MALT1: variants seen among roughly 807,000 people sequenced by gnomAD.
The protein encoded by MALT1 is MALT1 paracaspase.
A neutral mutation model predicts 85.5 loss-of-function variants in MALT1; 36 were observed. That is an observed-to-expected ratio of 0.42 (90% confidence interval 0.32 to 0.56). The LOEUF is 0.56. Among genes scored for constraint, MALT1 ranks in the 20% least tolerant of loss-of-function variants. The pLI is 0.10. For missense variants in MALT1, 716 were observed against 981.6 expected (o/e 0.73, Z 3.62); for synonymous variants, 359 against 361.3 (o/e 0.99, Z 0.07).
chr18:58,681,537 C>T (rs1381601013), intron 2 of MALT1, among the ~76,000 whole-genome samples: 1 of 152,126 alleles, frequency 6.6e-6, no homozygotes, highest in Non-Finnish European at 1.5e-5. Context: ...CTACATGAGA[C>T]ATTTTTGAGA....
chr18:58,688,405 T>G (rs763986861), intron 2 of MALT1, among the ~76,000 whole-genome samples: 8 of 151,684 alleles, frequency 5.3e-5, no homozygotes, highest in Non-Finnish European at 1.0e-4. Context: ...TACTTTGTCT[T>G]GGCCAGGCAC....
chr18:58,721,369 A>G (rs1475683499), intron 9 of MALT1, among the ~76,000 whole-genome samples: 1 of 152,198 alleles, frequency 6.6e-6, no homozygotes, highest in Non-Finnish European at 1.5e-5. Flanking sequence ...AACAAGAGCG[A>G]AACTCCGTCT....
chr18:58,710,540 T>G (rs1012172597), intron 6 of MALT1, among the ~76,000 whole-genome samples: 1 of 152,016 alleles, frequency 6.6e-6, no homozygotes, highest in East Asian at 1.9e-4. Context: ...AATAAATAAA[T>G]TAGCTAGGCA....
At chr18:58,712,689 CCACA>C (rs1356139139) in intron 7 of MALT1, among the ~76,000 whole-genome samples, 2 of 151,940 alleles carry the variant, frequency 1.3e-5, no homozygotes, top group Non-Finnish European at 2.9e-5. Context: ...GAAATGTTCC[CCACA>C]CAAAGAAATA....
At chr18:58,739,800 T>G (rs926667181) in intron 13 of MALT1, among the ~76,000 whole-genome samples, 1 of 90,306 alleles carries the variant, frequency 1.1e-5, no homozygotes, top group Admixed American at 1.1e-4. Flanking sequence ...TCCCTCTATG[T>G]ACACACATAC....
At chr18:58,700,634 ATATTT>A (rs745504777) in intron 4 of MALT1, 43 bp downstream of exon 4, 3 of 1,509,094 alleles carry the variant, frequency 2.0e-6, no homozygotes, top group Non-Finnish European at 1.8e-6. Context: ...GGGATTCCCC[ATATTT>A]TATTTTATTT....
At chr18:58,699,795 G>C (rs1223677045) in intron 3 of MALT1, among the ~76,000 whole-genome samples, 1 of 152,248 alleles carries the variant, frequency 6.6e-6, no homozygotes, top group East Asian at 1.9e-4. Context: ...ATTGCTGGGA[G>C]CAGAAAAAGC....
chr18:58,674,831 C>T (rs558947934), intron 1 of MALT1, among the ~76,000 whole-genome samples: 8 of 152,264 alleles, frequency 5.3e-5, no homozygotes, highest in Admixed American at 1.3e-4. Context: ...CCTAGAATCT[C>T]GAAATGTTGC....
At chr18:58,688,247 C>T (rs1169256898) in intron 2 of MALT1, among the ~76,000 whole-genome samples, 1 of 151,784 alleles carries the variant, frequency 6.6e-6, no homozygotes, top group East Asian at 1.9e-4. Flanking sequence ...TTCCAAATCA[C>T]ATTTTGCCTT....
At position 58,671,689 on chromosome 18, in the gene MALT1, GC is replaced by G. The variant is rs1159016094; in HGVS notation, c.51del (p.Thr18ArgfsTer55). The G allele has an allele frequency of 2.4e-6, 3 of 1,251,522 alleles. No homozygotes were observed. The highest frequency in any genetic ancestry group is 3.1e-5 in the South Asian group (1 of 31,994). The allele number at this position is 1,251,522 out of a possible 1,614,324, so 77.5% of individuals were successfully genotyped here. A position where few individuals can be genotyped will look rare whatever the true frequency, so the allele number is the denominator to read the frequency against. ...GCTACAGGCCCTGCCGCCCTCGGCC[GC>G]CCCCACGGGGCCGCTGCTCGCCCCT... The part of the protein sequence containing the change: ...DPLQALPPSA[A>X]PTGPLLAPPA... On this transcript the variant is annotated frameshift_variant, in exon 1 of 17. Transcript: ENST00000649217. LOFTEE classifies it high-confidence loss of function.
intron 15 of MALT1, among the ~76,000 whole-genome samples, chr18:58,744,837 A>G (rs1229697221): frequency 6.6e-6 from 1 of 152,190 alleles, no homozygotes; most frequent in African/African-American, 2.4e-5. Flanking sequence ...AGTAGTTTTT[A>G]AGTCTTGTTA....
intron 10 of MALT1, among the ~76,000 whole-genome samples, chr18:58,727,616 G>GTTTTTTGTT (rs2055077589): frequency 8.2e-6 from 1 of 121,264 alleles, no homozygotes; most frequent in African/African-American, 3.3e-5. Flanking sequence ...GGTTTTTTGT[G>GTTTTTTGTT]TTTTTTTTTT....
chr18:58,674,363 GA>G (rs1337236836), intron 1 of MALT1, among the ~76,000 whole-genome samples: 2 of 152,190 alleles, frequency 1.3e-5, no homozygotes, highest in Non-Finnish European at 2.9e-5. Context: ...TGCCTAACAA[GA>G]GGTGGCAAGC....
Position 58,747,554 on chromosome 18 carries a change from TTGTCTTA to T in MALT1, c.2193_2199del (p.Ser733ValfsTer71). The T allele has an allele frequency of 6.2e-7, 1 of 1,614,192 alleles. No homozygotes were observed. The highest frequency in any genetic ancestry group is 1.6e-4 in the Middle Eastern group (1 of 6,062). ...TGGGAAGGAAGACTTGCTTTCAAAC[TTGTCTTA>T]TGTCTAATGGTCCTTACCAGAGTTC... On this transcript the variant is annotated frameshift_variant, in exon 17 of 17. Coordinates refer to ENST00000649217, the MANE Select transcript of MALT1 (RefSeq NM_006785.4). LOFTEE classifies it low-confidence loss of function (END_TRUNC).
chr18:58,706,080 A>G (rs1464987947), intron 4 of MALT1, among the ~76,000 whole-genome samples: 3 of 150,970 alleles, frequency 2.0e-5, no homozygotes, highest in African/African-American at 7.3e-5. Flanking sequence ...CTGCCTCCTG[A>G]GTTCACGCCA....
At chr18:58,688,217 G>A (rs1356635113) in intron 2 of MALT1, among the ~76,000 whole-genome samples, 1 of 151,732 alleles carries the variant, frequency 6.6e-6, no homozygotes, top group Non-Finnish European at 1.5e-5. Context: ...TCATTTTCTT[G>A]ACTATTCACC....
chr18:58,681,452 G>T, intron 2 of MALT1, 116 bp downstream of exon 2: 1 of 923,168 alleles, frequency 1.1e-6, no homozygotes, highest in Non-Finnish European at 1.5e-6. Flanking sequence ...TAAATGTGTA[G>T]TGCCTTGTTT....
chr18:58,734,298 C>T lies in MALT1; in HGVS notation c.1401-9C>T. ...TTTCTATCTGCCCTCCTCCGCCTCCCTTAAATAGAAATGACTACGATGATA... is the reference window on the plus strand; with the variant it reads ...TTTCTATCTGCCCTCCTCCGCCTCCTTTAAATAGAAATGACTACGATGATA... On this transcript the variant is annotated splice_polypyrimidine_tract_variant and intron_variant, in intron 11 of 16. Coordinates refer to ENST00000649217, the MANE Select transcript of MALT1 (RefSeq NM_006785.4). 1 of 1,602,990 alleles carries T rather than the reference C, an allele frequency of 6.2e-7. No homozygotes were observed. Among genetic ancestry groups the T allele is most frequent in the South Asian group, 1.1e-5 (1 of 90,822 alleles).
chr18:58,747,659 T>G lies in MALT1; in HGVS notation c.2292T>G (p.His764Gln). The change falls in exon 17 of 17, where the codon CAT (histidine) becomes CAG (glutamine). Residue 764 changes from histidine (H) to glutamine (Q), a missense_variant. Around this residue, in one of 4 missense-constraint regions of MALT1, gnomAD observed 260 missense variants for 323.7 expected, o/e 0.80. Coordinates refer to ENST00000649217, the MANE Select transcript of MALT1 (RefSeq NM_006785.4). ...CATTCCATGGTGTTTACCATTCACATCCTGGTAATCCAAGTAATGTTACAC... is the reference window on the plus strand; with the variant it reads ...CATTCCATGGTGTTTACCATTCACAGCCTGGTAATCCAAGTAATGTTACAC... The part of the protein sequence containing the change: ...QDPFHGVYHS[H>Q]PGNPSNVTPA... 1 of 1,614,194 alleles carries G rather than the reference T, an allele frequency of 6.2e-7. No individual in the cohort carries two copies. Among genetic ancestry groups the G allele is most frequent in the Non-Finnish European group, 8.5e-7 (1 of 1,180,012 alleles).
Sources: gnomAD v4.1 joint callset for allele counts (sites outside exome capture counted in the v4.1 genomes callset) on GRCh38, gnomAD v4.1.1 for gene constraint, gnomAD v4.1.1 regional missense constraint, MANE v1.5 for transcripts, NCBI Gene and HGNC (gene_info 2026-07-23, HGNC 2026-07-21) for gene names.